Variants in MTMR3 observed in about 807,000 individuals in gnomAD.
MTMR3 encodes phosphatidylinositol-3,5-bisphosphate 3-phosphatase MTMR3.
Under a neutral mutation model 132.4 loss-of-function variants are expected in MTMR3, and 32 were observed. The observed-to-expected ratio is 0.24, with a 90% CI of 0.18 to 0.32. The LOEUF (loss-of-function observed/expected upper bound fraction) is 0.32, where lower values mean the gene tolerates loss of function less well. MTMR3 is among the 10% of genes least tolerant of loss of function. The pLI is 1.00. For synonymous variants in MTMR3, 556 were observed against 550.3 expected (o/e 1.01, Z -0.14); for missense variants, 1,216 against 1,489.6 (o/e 0.82, Z 3.02).
At chr22:29,938,349 G>A (rs568924678) in intron 1 of MTMR3, among the ~76,000 whole-genome samples, 1 of 152,174 alleles carries the variant, frequency 6.6e-6, no homozygotes, top group South Asian at 2.1e-4. Flanking sequence ...TATAATTTTC[G>A]CTTTGTCATA....
At chr22:29,954,904 C>G (rs1464615848) in intron 1 of MTMR3, among the ~76,000 whole-genome samples, 1 of 152,122 alleles carries the variant, frequency 6.6e-6, no homozygotes, top group Non-Finnish European at 1.5e-5. Context: ...TGATAATATC[C>G]TTTTTCTAGT....
intron 9 of MTMR3, chr22:30,006,140 T>A (rs990466911): frequency 3.9e-5 from 6 of 152,250 alleles, no homozygotes; most frequent in Non-Finnish European, 7.3e-5. Context: ...TGCCAAGTAA[T>A]AGAATTTTTC....
At chr22:30,013,726 A>C in intron 14 of MTMR3, 185 bp downstream of exon 14, 1 of 565,122 alleles carries the variant, frequency 1.8e-6, no homozygotes, top group East Asian at 3.5e-5. Context: ...ATCCAGGTAT[A>C]CCAGGTTTGC....
intron 1 of MTMR3, among the ~76,000 whole-genome samples, chr22:29,892,903 ATCT>A (rs1199748737): frequency 6.6e-6 from 1 of 152,200 alleles, no homozygotes; most frequent in Non-Finnish European, 1.5e-5. Flanking sequence ...TTTCACATAT[ATCT>A]TCTTAGGTCA....
At chr22:30,003,049 G>A (rs2145928703) in intron 9 of MTMR3, 56 bp downstream of exon 9, 4 of 1,371,994 alleles carry the variant, frequency 2.9e-6, no homozygotes, top group Admixed American at 1.7e-5. Flanking sequence ...TGCTGCATAT[G>A]GTCTGCTGCC....
chr22:30,022,253 G>T lies in MTMR3; in HGVS notation c.3336+114G>T, dbSNP rs780420027. Reference sequence around the variant, plus strand: ...AAGGAAGCACCTCCCAGCACAGCTAGCCCTGAGCCTCTGGCACCTTAGCTC... The same window carrying T: ...AAGGAAGCACCTCCCAGCACAGCTATCCCTGAGCCTCTGGCACCTTAGCTC... On this transcript the variant is annotated intron_variant, in intron 18 of 19. Coordinates refer to ENST00000401950, the MANE Select transcript of MTMR3 (RefSeq NM_021090.4). The T allele has an allele frequency of 1.4e-4, 110 of 794,004 alleles. 1 individual carries two copies. The highest frequency in any genetic ancestry group is 2.1e-4 in the Non-Finnish European group (101 of 484,516). The allele number at this position is 794,004 out of a possible 1,614,324, so 49.2% of individuals were successfully genotyped here.
chr22:29,896,271 C>T (rs1428461453), intron 1 of MTMR3, among the ~76,000 whole-genome samples: 1 of 152,206 alleles, frequency 6.6e-6, no homozygotes, highest in African/African-American at 2.4e-5. Flanking sequence ...GATCACACCA[C>T]TGCACTCCAG....
At chr22:30,023,873 C>CTTT (rs34667478) in intron 19 of MTMR3, 91 of 177,440 alleles carry the variant, frequency 5.1e-4, no homozygotes, top group African/African-American at 2.2e-3. Context: ...TCTTTTTTCC[C>CTTT]TTTTTTTTTT....
intron 7 of MTMR3, chr22:29,997,567 C>T (rs1395287330): frequency 6.6e-6 from 1 of 152,144 alleles, no homozygotes; most frequent in Non-Finnish European, 1.5e-5. Context: ...TCGTTTCTAC[C>T]TCTGTTTTGC....
In MTMR3 at chr22:30,002,986, A is replaced by G. The variant is rs2067206356; in HGVS notation, c.664A>G (p.Ile222Val). Reference sequence around the variant, plus strand: ...GTCCTGGAAGCGCATCCCTGCCGTCATCTACAGGTAAGTTAAACTGGACCA... The same window carrying G: ...GTCCTGGAAGCGCATCCCTGCCGTCGTCTACAGGTAAGTTAAACTGGACCA... ...FRSWKRIPAV[I>V]YRHQSNGAVI... Residue 222 changes from isoleucine to valine, a missense_variant, in exon 9 of 20, where the codon ATC (isoleucine) becomes GTC (valine). Ile to Val is a conservative substitution (Grantham distance 29). Around this residue, in one of 7 missense-constraint regions of MTMR3, gnomAD observed 129 missense variants for 245.7 expected, o/e 0.53. Coordinates refer to ENST00000401950, the MANE Select transcript of MTMR3 (RefSeq NM_021090.4). 1 of 1,613,678 alleles carries G rather than the reference A, an allele frequency of 6.2e-7. No homozygotes were observed. The highest frequency in any genetic ancestry group is 8.5e-7 in the Non-Finnish European group (1 of 1,179,578).
chr22:30,007,533 GTCTT>G lies in MTMR3; in HGVS notation c.877+219_877+222del, dbSNP rs1242475631. Reference sequence around the variant, plus strand: ...GAATCAAGATATTAGTGTGTTTGTTGTCTTTCTTGCCATTGTGACAAAAATGGAG... The same window carrying G: ...GAATCAAGATATTAGTGTGTTTGTTGTCTTGCCATTGTGACAAAAATGGAG... On this transcript the variant is annotated intron_variant, in intron 10 of 19. Transcript: ENST00000401950. 2.8e-5 allele frequency: 17 copies of G among 607,440 alleles called. No homozygotes were observed. The East Asian group carries it at 4.3e-4, about 15-fold the overall frequency. 37.6% of individuals were successfully genotyped at this position (607,440 alleles called of 1,614,324 possible).
Position 30,028,563 on chromosome 22 carries a change from T to G in MTMR3, c.*2762T>G, listed in dbSNP as rs2067954996. 1 of 152,390 alleles carries G rather than the reference T, an allele frequency of 6.6e-6. No homozygotes were observed. Among genetic ancestry groups the G allele is most frequent in the Admixed American group, 6.5e-5 (1 of 15,286 alleles). 9.4% of individuals were successfully genotyped at this position (152,390 alleles called of 1,614,324 possible). On this transcript the variant is annotated 3_prime_UTR_variant, in exon 20 of 20. Transcript: ENST00000401950. ...GGTCTGTGGGTGAGATATGTTATGC[T>G]GTTCCTCCCTCGGGAAGGTTGGTAT...
chr22:30,016,805 T>C, intron 15 of MTMR3, 107 bp downstream of exon 15: 2 of 1,255,970 alleles, frequency 1.6e-6, no homozygotes, highest in Non-Finnish European at 2.2e-6. Flanking sequence ...ACATCTCTAC[T>C]GTCTCTGGAT....
At chr22:29,886,940 GATGA>G (rs1346110456) in intron 1 of MTMR3, among the ~76,000 whole-genome samples, 1 of 152,106 alleles carries the variant, frequency 6.6e-6, no homozygotes, top group Non-Finnish European at 1.5e-5. Flanking sequence ...AATTTTCTAT[GATGA>G]ATATATAGAT....
At chr22:29,884,589 ATC>A (rs1313655498) in intron 1 of MTMR3, among the ~76,000 whole-genome samples, 2 of 119,798 alleles carry the variant, frequency 1.7e-5, no homozygotes, top group Non-Finnish European at 3.3e-5. Flanking sequence ...TTAAGACAGA[ATC>A]TCTCTCTCCC....
At chr22:29,946,778 A>T (rs1161175803) in intron 1 of MTMR3, among the ~76,000 whole-genome samples, 1 of 152,018 alleles carries the variant, frequency 6.6e-6, no homozygotes, top group Non-Finnish European at 1.5e-5. Context: ...TATGTAAATT[A>T]ATAGTGTGTC....
chr22:30,010,848 G>C (rs777098363), intron 12 of MTMR3: 2 of 152,154 alleles, frequency 1.3e-5, no homozygotes, highest in African/African-American at 2.4e-5. Flanking sequence ...TCAGGTACCT[G>C]CTAGGAGATA....
At chr22:29,893,313 A>G (rs1458195927) in intron 1 of MTMR3, among the ~76,000 whole-genome samples, 1 of 152,188 alleles carries the variant, frequency 6.6e-6, no homozygotes, top group Non-Finnish European at 1.5e-5. Context: ...GACAAAAAAA[A>G]TACTCTTAAT....
chr22:29,954,918 C>T (rs2066158916), intron 1 of MTMR3, among the ~76,000 whole-genome samples: 1 of 152,100 alleles, frequency 6.6e-6, no homozygotes, highest in Non-Finnish European at 1.5e-5. Flanking sequence ...TTCTAGTTAC[C>T]ATAAGCCTTA....
Sources: gnomAD v4.1 joint callset for allele counts (sites outside exome capture counted in the v4.1 genomes callset) on GRCh38, gnomAD v4.1.1 for gene constraint, gnomAD v4.1.1 regional missense constraint, MANE v1.5 for transcripts, NCBI Gene and HGNC (gene_info 2026-07-23, HGNC 2026-07-21) for gene names.